The following FBXL20 variants were observed in gnomAD, a reference collection of about 807,000 sequenced individuals.
FBXL20 encodes F-box/LRR-repeat protein 20.
Under a neutral mutation model 64.0 loss-of-function variants are expected in FBXL20, and 11 were observed. The ratio of observed to expected loss-of-function variants is 0.17; its 90% CI spans 0.11 to 0.28. FBXL20 has a LOEUF of 0.28. Ranked by LOEUF, FBXL20 falls within the 10% of genes least tolerant of loss-of-function variation. FBXL20 has a pLI of 1.00. For missense variants in FBXL20, 303 were observed against 526.2 expected, an observed-to-expected ratio of 0.58 and a Z score of 4.15; for synonymous variants, 184 against 189.0, an observed-to-expected ratio of 0.97 and a Z score of 0.22.
intron 1 of FBXL20, among the ~76,000 whole-genome samples, chr17:39,386,759 G>A (rs185891252): frequency 1.9e-4 from 29 of 152,230 alleles, no homozygotes; most frequent in African/African-American, 6.3e-4. Flanking sequence ...ACCTAAATGT[G>A]TATCCACTTC....
intron 1 of FBXL20, among the ~76,000 whole-genome samples, chr17:39,391,414 C>G (rs2048132625): frequency 6.6e-6 from 1 of 152,070 alleles, no homozygotes; most frequent in South Asian, 2.1e-4. Flanking sequence ...TAATCTCTCT[C>G]CAGAGAATCA....
At chr17:39,380,861 T>C (rs1386318487) in intron 1 of FBXL20, among the ~76,000 whole-genome samples, 3 of 152,080 alleles carry the variant, frequency 2.0e-5, no homozygotes, top group African/African-American at 4.8e-5. Context: ...TTAAAAACTA[T>C]AGAAATAAAA....
intron 2 of FBXL20, among the ~76,000 whole-genome samples, chr17:39,319,519 T>C (rs2047330143): frequency 1.3e-5 from 2 of 152,010 alleles, no homozygotes; most frequent in South Asian, 2.1e-4. Context: ...ACCCCATCTC[T>C]ACTAAAAATA....
At chr17:39,263,922 CATT>C in intron 14 of FBXL20, 1 of 298,510 alleles carries the variant, frequency 3.3e-6, no homozygotes, top group South Asian at 6.3e-5. Context: ...AAGCCCTAGA[CATT>C]ATTAGACAGA....
At position 39,375,024 on chromosome 17, in the gene FBXL20, A is replaced by G. The variant is rs1281998128; in HGVS notation, c.42+26337T>C. On this transcript the variant is annotated intron_variant, in intron 1 of 14. Transcript: ENST00000264658. The stretch of plus-strand genomic sequence containing the variant: ...ATGGTCTCAATCTCTTGACCTCGTG[A>G]TCCACCTGCCTCGGCCTCCCAAAGT... Among the ~76,000 whole-genome samples the G allele has an allele frequency of 4.6e-5, 7 of 152,290 alleles. No individual in the cohort carries two copies. In the South Asian group the frequency reaches 1.0e-3, roughly 23 times the overall value.
At chr17:39,272,371 C>G (rs1041938911) in intron 10 of FBXL20, among the ~76,000 whole-genome samples, 1 of 140,742 alleles carries the variant, frequency 7.1e-6, no homozygotes, top group East Asian at 2.1e-4. Flanking sequence ...GGCAACAGAG[C>G]GAGACTTTGT....
At chr17:39,401,747 G>GCGCGGC, upstream of FBXL20, 2 of 1,078,274 alleles carry the variant, frequency 1.9e-6, no homozygotes, top group Non-Finnish European at 2.3e-6. Context: ...GAGGGGAGGA[G>GCGCGGC]CGCGGCGGCG....
chr17:39,306,124 T>C (rs1353357837), intron 2 of FBXL20, among the ~76,000 whole-genome samples: 1 of 151,832 alleles, frequency 6.6e-6, no homozygotes, highest in Non-Finnish European at 1.5e-5. Flanking sequence ...ATCACAGCAC[T>C]GTACTCCAGC....
chr17:39,293,650 C>A (rs757766742), intron 6 of FBXL20, among the ~76,000 whole-genome samples: 24 of 152,100 alleles, frequency 1.6e-4, no homozygotes, highest in Non-Finnish European at 2.9e-4. Flanking sequence ...TGAATTTTCT[C>A]CATTTTGGGT....
chr17:39,360,954 A>G (rs1831681432), intron 1 of FBXL20, among the ~76,000 whole-genome samples: 1 of 152,194 alleles, frequency 6.6e-6, no homozygotes, highest in Admixed American at 6.6e-5. Flanking sequence ...TTTTTCCCAG[A>G]TTCTAGTAGC....
intron 1 of FBXL20, among the ~76,000 whole-genome samples, chr17:39,357,101 T>C (rs113569895): frequency 0.39 from 59,063 of 150,884 alleles, 15,169 homozygotes; most frequent in African/African-American, 0.73. Flanking sequence ...TGGAGAAACC[T>C]CGTCTCTACT....
intron 2 of FBXL20, 104 bp downstream of exon 2, chr17:39,343,076 C>T (rs905720145): frequency 2.6e-5 from 16 of 622,798 alleles, no homozygotes; most frequent in African/African-American, 5.7e-5. Context: ...AATTCAGATA[C>T]AGATACTATA....
intron 1 of FBXL20, among the ~76,000 whole-genome samples, chr17:39,356,154 G>A (rs188876739): frequency 1.0e-3 from 148 of 147,448 alleles, no homozygotes; most frequent in Middle Eastern, 3.7e-3. Flanking sequence ...GGCAGAGGTT[G>A]CAGTGAGCTG....
At chr17:39,291,022 C>T (rs1016895556) in intron 6 of FBXL20, among the ~76,000 whole-genome samples, 2 of 151,264 alleles carry the variant, frequency 1.3e-5, no homozygotes, top group Admixed American at 1.3e-4. Context: ...AGTGCAGTGG[C>T]GCGATCTCGG....
At chr17:39,332,151 C>T (rs1004249589) in intron 2 of FBXL20, among the ~76,000 whole-genome samples, 8 of 152,158 alleles carry the variant, frequency 5.3e-5, no homozygotes, top group Non-Finnish European at 1.2e-4. Context: ...TTTTTCCACA[C>T]CTTCAACTCC....
rs767207537 is a variant in FBXL20 at position 39,401,354 on chromosome 17, C to T, written c.42+7G>A. On this transcript the variant is annotated splice_region_variant and intron_variant, in intron 1 of 14. Coordinates refer to ENST00000264658, the MANE Select transcript of FBXL20 (RefSeq NM_032875.3). ...CCTCACGCCGCCCGAGCCCCCCAAG[C>T]TCACACCTCAAACCTGCTCTTGGTC... 3.7e-6 allele frequency: 6 copies of T among 1,613,004 alleles called. No homozygotes were observed. In the Admixed American group the frequency reaches 8.3e-5, roughly 22 times the overall value.
At chr17:39,371,364 T>A (rs548484259) in intron 1 of FBXL20, among the ~76,000 whole-genome samples, 1 of 152,154 alleles carries the variant, frequency 6.6e-6, no homozygotes, top group Non-Finnish European at 1.5e-5. Context: ...AAAATTCAGC[T>A]ATCTTTTCTC....
upstream of FBXL20, chr17:39,401,801 G>T (rs1377600031): frequency 1.2e-6 from 1 of 836,206 alleles, no homozygotes; most frequent in Non-Finnish European, 1.5e-6. Flanking sequence ...CGGCCCTGAC[G>T]GCGCTCCCGG....
chr17:39,292,336 T>A (rs1020176844), intron 6 of FBXL20, among the ~76,000 whole-genome samples: 6 of 150,752 alleles, frequency 4.0e-5, no homozygotes, highest in Non-Finnish European at 5.9e-5. Flanking sequence ...TTCATTTTTT[T>A]AAATTTTTGC....
Sources: gnomAD v4.1 joint callset for allele counts (sites outside exome capture counted in the v4.1 genomes callset) on GRCh38, gnomAD v4.1.1 for gene constraint, MANE v1.5 for transcripts, NCBI Gene and HGNC (gene_info 2026-07-23, HGNC 2026-07-21) for gene names.